UBA1: variants seen among roughly 807,000 people sequenced by gnomAD.
UBA1 encodes ubiquitin like modifier activating enzyme 1, also known as ubiquitin-like modifier-activating enzyme 1.
In UBA1, 4 loss-of-function variants were observed where a neutral mutation model predicts 84.7. That is an observed-to-expected ratio of 0.05 (90% CI 0.02 to 0.11). The LOEUF is 0.11. Among genes scored for constraint, UBA1 ranks in the 10% least tolerant of loss-of-function variants. The pLI, the probability that UBA1 is intolerant of heterozygous loss-of-function variation, is 1.00. For synonymous variants in UBA1, 364 were observed against 362.6 expected, an observed-to-expected ratio of 1.00 and a Z score of -0.04; for missense variants, 513 against 902.8, an observed-to-expected ratio of 0.57 and a Z score of 5.53.
rs1936995871 is a variant in UBA1, at chrX:47,213,134, C to G, written c.2791C>G (p.Leu931Val). ...CAAGAATGGTTTCCTCAACTTGGCC[C>G]TGCCTTTCTTTGGTTTCTCTGAACC... Reference protein sequence around the residue: ...SYKNGFLNLALPFFGFSEPLA... With the variant: ...SYKNGFLNLAVPFFGFSEPLA... The change falls in exon 23 of 26, where the codon CTG becomes GTG. Residue 931 changes from leucine (L) to valine (V), a missense_variant. This residue lies in a region of UBA1 where 151 missense variants were observed against 260.1 expected (regional missense o/e 0.58). Coordinates refer to ENST00000335972, the MANE Select transcript of UBA1 (RefSeq NM_003334.4). The G allele has an allele frequency of 8.3e-7, 1 of 1,210,095 alleles. No individual in the cohort carries two copies. Among genetic ancestry groups the G allele is most frequent in the Admixed American group, 2.2e-5 (1 of 45,829 alleles).
intron 1 of UBA1, chrX:47,198,374 C>T (rs902903897): frequency 1.2e-6 from 1 of 856,656 alleles, no homozygotes; most frequent in Admixed American, 3.1e-5. Flanking sequence ...TATTATCACC[C>T]CTGTTTCACA....
rs1556793967 is a variant in UBA1 at position 47,212,998 on chromosome X, G to T, written c.2655G>T (p.Leu885=). 1 of 1,211,981 alleles carries T rather than the reference G, an allele frequency of 8.3e-7. No individual in the cohort carries two copies. Among genetic ancestry groups the T allele is most frequent in the Admixed American group, 2.2e-5 (1 of 46,095 alleles). ...TCCCTTCTGTCTCTCAGAGCAAGCT[G>T]ATTGCAGGGAAGATCATCCCAGCCA... ...IPSADRHKSK[L]IAGKIIPAIA... Residue 885 remains leucine, a synonymous_variant, in exon 23 of 26, where the codon CTG becomes CTT. Coordinates refer to ENST00000335972, the MANE Select transcript of UBA1 (RefSeq NM_003334.4).
At chrX:47,207,109 C>A (rs184068818) in intron 16 of UBA1, among the ~76,000 whole-genome samples, 1 of 111,998 alleles carries the variant, frequency 8.9e-6, no homozygotes, top group Admixed American at 9.5e-5. Context: ...CATTTTCATG[C>A]TCAGCAAAAT....
chrX:47,209,105 AAC>A (rs1365067173), intron 16 of UBA1: 1 of 156,394 alleles, frequency 6.4e-6, no homozygotes, highest in Non-Finnish European at 1.2e-5. Context: ...AACAAAACAA[AAC>A]AGTTTTCCAC....
chrX:47,208,308 CGTGTAAGTGT>C (rs1936763489), intron 16 of UBA1, among the ~76,000 whole-genome samples: 1 of 100,688 alleles, frequency 9.9e-6, no homozygotes, highest in Non-Finnish European at 2.0e-5. Context: ...TCTGTGTGTA[CGTGTAAGTGT>C]GTGTACGTGT....
chrX:47,203,074 G>T, intron 12 of UBA1, 27 bp downstream of exon 12: 1 of 1,204,289 alleles, frequency 8.3e-7, no homozygotes, highest in Non-Finnish European at 1.1e-6. Context: ...TGTGGGGAGG[G>T]CATCATTGGG....
chrX:47,206,497 C>T (rs5906356), intron 16 of UBA1, 53 bp downstream of exon 16: 12,216 of 1,148,573 alleles, frequency 0.011, 94 homozygotes, highest in East Asian at 0.07. Flanking sequence ...CAGGCTGCTG[C>T]CTCTCCGCCC....
chrX:47,193,388 T>C (rs1936096653), upstream of UBA1, among the ~76,000 whole-genome samples: 1 of 111,582 alleles, frequency 9.0e-6, no homozygotes, highest in South Asian at 3.8e-4. Context: ...TCATGCATTA[T>C]TCATGAGTAA....
chrX:47,202,316 A>G (rs1936445814), intron 9 of UBA1, 42 bp from the exon 10 acceptor site: 2 of 1,207,072 alleles, frequency 1.7e-6, no homozygotes, highest in South Asian at 1.8e-5. Flanking sequence ...CTAGTTCTCC[A>G]TTCCTCTCTT....
intron 1 of UBA1, among the ~76,000 whole-genome samples, chrX:47,194,726 C>G (rs1936140774): frequency 1.8e-5 from 2 of 111,859 alleles, no homozygotes; most frequent in African/African-American, 6.5e-5. Flanking sequence ...TATTTCTACT[C>G]AGAGACCCCT....
At position 47,200,870 on chromosome X, in the gene UBA1, G is replaced by T. The variant is rs376007073; in HGVS notation, c.481-24G>T. ...TTTTTCCCCTTCACCCCAATGCTGG[G>T]CCTGAGCCTCCATCTCTCCACAGGT... On this transcript the variant is annotated intron_variant, in intron 5 of 25. Coordinates refer to ENST00000335972, the MANE Select transcript of UBA1 (RefSeq NM_003334.4). 27 of 1,151,103 alleles carry T rather than the reference G, an allele frequency of 2.3e-5. No homozygotes were observed. In the African/African-American group the frequency reaches 4.7e-4, roughly 20 times the overall value. 94.9% of individuals were successfully genotyped at this position (1,151,103 alleles called of 1,213,427 possible).
In UBA1 at chrX:47,211,172, G is replaced by A; in HGVS notation, c.2411G>A (p.Gly804Asp). The change falls in exon 20 of 26, where the codon GGC becomes GAC. Residue 804 changes from glycine (G) to aspartate (D), a missense_variant. Gly to Asp is a moderately conservative substitution (Grantham distance 94). This residue lies in a region of UBA1 where 151 missense variants were observed against 260.1 expected (regional missense o/e 0.58). Coordinates refer to ENST00000335972, the MANE Select transcript of UBA1 (RefSeq NM_003334.4). Reference protein sequence around the residue: ...VQVPEFTPKSGVKIHVSDQEL... With the variant: ...VQVPEFTPKSDVKIHVSDQEL... ...GTCCCCGAATTCACCCCCAAGTCTG[G>A]CGTCAAGATCCATGTTTCTGACCAG... is the stretch of plus-strand genomic sequence containing the variant. 8.3e-7 allele frequency: 1 copy of A among 1,211,433 alleles called. No homozygotes were observed. The highest frequency in any genetic ancestry group is 1.1e-6 in the Non-Finnish European group (1 of 895,561).
rs199726443 is a variant in UBA1 at position 47,214,596 on chromosome X, C to T, written c.3000C>T (p.Phe1000=). The change falls in exon 25 of 26, where the codon TTC becomes TTT. Residue 1000 remains phenylalanine, a synonymous_variant. Coordinates refer to ENST00000335972, the MANE Select transcript of UBA1 (RefSeq NM_003334.4). The part of the protein sequence containing the change: ...LSQGVSMLYS[F]FMPAAKLKER... ...AGGGCGTGTCCATGCTCTATTCCTT[C>T]TTCATGCCAGCTGCCAAGCTCAAGG... 6 of 1,209,266 alleles carry T rather than the reference C, an allele frequency of 5.0e-6. No homozygotes were observed. The highest frequency in any genetic ancestry group is 6.7e-6 in the Non-Finnish European group (6 of 894,891).
chrX:47,202,050 C>T, intron 8 of UBA1, 106 bp from the exon 9 acceptor site: 1 of 655,734 alleles, frequency 1.5e-6, no homozygotes, highest in Non-Finnish European at 2.4e-6. Flanking sequence ...GGGAAGACAG[C>T]TTCTGATGTC....
chrX:47,215,067 T>C lies in UBA1; in HGVS notation c.*138T>C. The C allele has an allele frequency of 1.1e-6, 1 of 878,070 alleles. No individual in the cohort carries two copies. Among genetic ancestry groups the C allele is most frequent in the Non-Finnish European group, 1.6e-6 (1 of 609,701 alleles). 72.4% of individuals were successfully genotyped at this position (878,070 alleles called of 1,213,427 possible). Reference sequence around the variant, plus strand: ...CTCATCATCCCCCTACCTGAACCCCTCTTGCCACTGCCTTCTACCTTGTTT... The same window carrying C: ...CTCATCATCCCCCTACCTGAACCCCCCTTGCCACTGCCTTCTACCTTGTTT... On this transcript the variant is annotated 3_prime_UTR_variant, in exon 26 of 26. Transcript: ENST00000335972.
In UBA1 at chrX:47,214,922, T is replaced by G. The variant is rs1164940967; in HGVS notation, c.3170T>G (p.Ile1057Ser). Reference sequence around the variant, plus strand: ...GAGGTTCCCTATGTCCGATACACCATCCGCTGACCCCGTCTGCTCCTCTAG... The same window carrying G: ...GAGGTTCCCTATGTCCGATACACCAGCCGCTGACCCCGTCTGCTCCTCTAG... ...DVEVPYVRYT[I>S]R is the part of the protein sequence containing the mutation. Residue 1057 changes from isoleucine to serine, a missense_variant, in exon 26 of 26, where the codon ATC (isoleucine) becomes AGC (serine). Ile to Ser is a moderately radical substitution (Grantham distance 142). Coordinates refer to ENST00000335972, the MANE Select transcript of UBA1 (RefSeq NM_003334.4). 8 of 1,208,570 alleles carry G rather than the reference T, an allele frequency of 6.6e-6. No individual in the cohort carries two copies. Among genetic ancestry groups the G allele is most frequent in the Admixed American group, 2.2e-5 (1 of 45,805 alleles).
At chrX:47,192,970 A>C (rs1936089556), upstream of UBA1, among the ~76,000 whole-genome samples, 1 of 111,750 alleles carries the variant, frequency 8.9e-6, no homozygotes, top group Non-Finnish European at 1.9e-5. Flanking sequence ...GTTTGATTGG[A>C]CCAAGGCAGC....
At position 47,206,237 on chromosome X, in the gene UBA1, G is replaced by C. The variant is rs5953010; in HGVS notation, c.1742-11G>C. The C allele has an allele frequency of 0.016, 18,586 of 1,197,508 alleles. 1,773 individuals carry two copies. The African/African-American group carries it at 0.28, about 18-fold the overall frequency. On this transcript the variant is annotated splice_polypyrimidine_tract_variant and intron_variant, in intron 15 of 25. Transcript: ENST00000335972. ...GTTTCTTTCCTAGCTCTCGCTTTGT[G>C]CTCCCCACAGGCATGTACATGGACC... is the stretch of plus-strand genomic sequence containing the variant.
In UBA1 at chrX:47,211,132, C is replaced by T. The variant is rs1556793265; in HGVS notation, c.2371C>T (p.Leu791=). Residue 791 remains leucine, a synonymous_variant, in exon 20 of 26, where the codon CTG becomes TTG. Transcript: ENST00000335972. ...GGACCGAGCTGCTGTGGCCACATTCCTGCAGTCTGTGCAGGTCCCCGAATT... is the reference window on the plus strand; with the variant it reads ...GGACCGAGCTGCTGTGGCCACATTCTTGCAGTCTGTGCAGGTCCCCGAATT... ...SQDRAAVATF[L]QSVQVPEFTP... 1.7e-6 allele frequency: 2 copies of T among 1,212,045 alleles called. No homozygotes were observed. The highest frequency in any genetic ancestry group is 4.3e-5 in the Admixed American group (2 of 46,115).
Sources: gnomAD v4.1 joint callset for allele counts (sites outside exome capture counted in the v4.1 genomes callset) on GRCh38, gnomAD v4.1.1 for gene constraint, gnomAD v4.1.1 regional missense constraint, MANE v1.5 for transcripts, NCBI Gene and HGNC (gene_info 2026-07-23, HGNC 2026-07-21) for gene names.